Variants in RSBN1L observed in about 807,000 individuals in gnomAD.
RSBN1L encodes the protein round spermatid basic protein 1 like.
A neutral mutation model predicts 67.7 loss-of-function variants in RSBN1L; 30 were observed. The observed-to-expected ratio is 0.44, with a 90% CI of 0.33 to 0.60. RSBN1L has a LOEUF of 0.60. Ranked by LOEUF, RSBN1L falls within the 20% of genes least tolerant of loss-of-function variation. The pLI, the probability that RSBN1L is intolerant of heterozygous loss-of-function variation, is 0.02. For missense variants in RSBN1L, 992 were observed against 1,031.7 expected (o/e 0.96, Z 0.53); for synonymous variants, 433 against 387.0 (o/e 1.12, Z -1.39).
At chr7:77,754,073 T>G (rs1014655016) in intron 3 of RSBN1L, among the ~76,000 whole-genome samples, 5 of 152,220 alleles carry the variant, frequency 3.3e-5, no homozygotes, top group Non-Finnish European at 7.3e-5. Context: ...GGTCTTGTTC[T>G]ATCAGCCAGG....
intron 1 of RSBN1L, among the ~76,000 whole-genome samples, chr7:77,727,601 C>G (rs1389075680): frequency 1.3e-5 from 2 of 151,690 alleles, no homozygotes; most frequent in East Asian, 1.9e-4. Context: ...CCTGTCCCAC[C>G]TTACTCAGCT....
At chr7:77,703,949 C>T (rs927857976) in intron 1 of RSBN1L, among the ~76,000 whole-genome samples, 5 of 152,056 alleles carry the variant, frequency 3.3e-5, no homozygotes, top group East Asian at 1.9e-4. Flanking sequence ...AACCACGCCC[C>T]GATACACTTA....
chr7:77,700,676 A>T (rs561900114), intron 1 of RSBN1L, among the ~76,000 whole-genome samples: 3 of 152,294 alleles, frequency 2.0e-5, no homozygotes, highest in African/African-American at 7.2e-5. Context: ...CTGAGGGAAT[A>T]ATTTACTATG....
At chr7:77,720,315 C>G (rs1044263033) in intron 1 of RSBN1L, among the ~76,000 whole-genome samples, 19 of 152,094 alleles carry the variant, frequency 1.2e-4, no homozygotes, top group Admixed American at 5.2e-4. Flanking sequence ...AATCTTAGCA[C>G]TTTGGGAGGC....
intron 4 of RSBN1L, among the ~76,000 whole-genome samples, chr7:77,765,921 G>A (rs1791760348): frequency 6.6e-6 from 1 of 152,150 alleles, no homozygotes; most frequent in Non-Finnish European, 1.5e-5. Flanking sequence ...AACACTTTAG[G>A]AAATTAGGTT....
Position 77,780,783 on chromosome 7 carries a change from C to T in RSBN1L, c.*1615C>T, listed in dbSNP as rs954853361. On this transcript the variant is annotated 3_prime_UTR_variant, in exon 8 of 8. Transcript: ENST00000334955. The stretch of plus-strand genomic sequence containing the variant: ...CTAGAAATTAAATTGAGGTAGGAGA[C>T]GGATTGACAGTGCCTAACTAAAGAT... 2 of 152,166 alleles carry T rather than the reference C, an allele frequency of 1.3e-5. No homozygotes were observed. The highest frequency in any genetic ancestry group is 6.5e-5 in the Admixed American group (1 of 15,270). The allele number at this position is 152,166 out of a possible 1,614,324, so 9.4% of individuals were successfully genotyped here.
intron 3 of RSBN1L, among the ~76,000 whole-genome samples, chr7:77,758,997 AG>A (rs1439359503): frequency 6.6e-6 from 1 of 152,124 alleles, no homozygotes; most frequent in Non-Finnish European, 1.5e-5. Context: ...TGTGGTTCTA[AG>A]TTATTTCTCA....
intron 2 of RSBN1L, among the ~76,000 whole-genome samples, chr7:77,737,925 GGCATGA>G (rs1355691975): frequency 6.6e-5 from 10 of 151,932 alleles, no homozygotes; most frequent in African/African-American, 1.7e-4. Flanking sequence ...GGGAGGCTGA[GGCATGA>G]GAATTGCCTG....
chr7:77,745,283 A>C (rs1303557652), intron 2 of RSBN1L, among the ~76,000 whole-genome samples: 1 of 151,424 alleles, frequency 6.6e-6, no homozygotes, highest in Non-Finnish European at 1.5e-5. Context: ...AAAAAAGTTG[A>C]CTGAAAGGAA....
At chr7:77,773,440 T>G in intron 6 of RSBN1L, 126 bp downstream of exon 6, 1 of 605,966 alleles carries the variant, frequency 1.7e-6, no homozygotes, top group Non-Finnish European at 2.7e-6. Context: ...TTTGGATATC[T>G]TAATTGTATA....
rs1791986879 is a variant in RSBN1L at position 77,780,605 on chromosome 7, T to TA, written c.*1438dup. ...CAGAATGGGAGAAAAATATGGCAAA[T>TA]ACAAAACTGTAAAATAAGGGCAATG... On this transcript the variant is annotated 3_prime_UTR_variant, in exon 8 of 8. Transcript: ENST00000334955. The TA allele has an allele frequency of 6.6e-6, 1 of 152,150 alleles. No homozygotes were observed. Among genetic ancestry groups the TA allele is most frequent in the Non-Finnish European group, 1.5e-5 (1 of 68,004 alleles). 9.4% of individuals were successfully genotyped at this position (152,150 alleles called of 1,614,324 possible).
rs961543898 is a variant in RSBN1L at position 77,782,604 on chromosome 7, C to T, written c.*3436C>T. On this transcript the variant is annotated 3_prime_UTR_variant, in exon 8 of 8. Coordinates refer to ENST00000334955, the MANE Select transcript of RSBN1L (RefSeq NM_198467.3). Reference sequence around the variant, plus strand: ...TAAACATTAAGTTGATTTTGCACAACACTGTATTTGTGTGTGTGCATGTGC... The same window carrying T: ...TAAACATTAAGTTGATTTTGCACAATACTGTATTTGTGTGTGTGCATGTGC... 2.6e-5 allele frequency: 4 copies of T among 152,138 alleles called. No individual in the cohort carries two copies. Among genetic ancestry groups the T allele is most frequent in the African/African-American group, 9.7e-5 (4 of 41,426 alleles). The allele number at this position is 152,138 out of a possible 1,614,324, so 9.4% of individuals were successfully genotyped here. A position where few individuals can be genotyped will look rare whatever the true frequency, so the allele number is the denominator to read the frequency against.
At position 77,749,707 on chromosome 7, in the gene RSBN1L, G is replaced by A. The variant is rs773978716; in HGVS notation, c.987G>A (p.Lys329=). Residue 329 remains lysine (K), a synonymous_variant, in exon 3 of 8, where the codon AAG becomes AAA. Transcript: ENST00000334955. ...GTGAGTTTCCATTTGTCTCATTAAA[G>A]GAGCCACGAGTTCAGAATAACCTCA... ...ENSEFPFVSL[K]EPRVQNNLKR... is the part of the protein sequence containing the mutation. 1.9e-6 allele frequency: 3 copies of A among 1,614,014 alleles called. No homozygotes were observed. The South Asian group carries it at 3.3e-5, about 18-fold the overall frequency.
Position 77,696,937 on chromosome 7 carries a change from G to C in RSBN1L, c.468G>C (p.Lys156Asn). The C allele has an allele frequency of 6.3e-7, 1 of 1,599,212 alleles. No individual in the cohort carries two copies. Among genetic ancestry groups the C allele is most frequent in the East Asian group, 2.2e-5 (1 of 44,670 alleles). Residue 156 changes from lysine to asparagine, a missense_variant, in exon 1 of 8, where the codon AAG becomes AAC. By Grantham distance (94) the Lys-to-Asn change is moderately conservative (BLOSUM62 0). Around this residue, in one of 7 missense-constraint regions of RSBN1L, gnomAD observed 575 missense variants for 483.2 expected, o/e 1.19. Coordinates refer to ENST00000334955, the MANE Select transcript of RSBN1L (RefSeq NM_198467.3). ...CCGCCGCTGCCTCGGCTAACGCCAA[G>C]TCGCGCAGACCTAAGGAGAAGCGGG... ...AAAAAASANA[K>N]SRRPKEKREK...
intron 1 of RSBN1L, among the ~76,000 whole-genome samples, chr7:77,724,349 A>T (rs1376575748): frequency 6.6e-6 from 1 of 152,032 alleles, no homozygotes; most frequent in East Asian, 1.9e-4. Flanking sequence ...ATAATTATTA[A>T]TTCTTTCGGG....
At chr7:77,720,776 T>C (rs944373503) in intron 1 of RSBN1L, among the ~76,000 whole-genome samples, 6 of 144,214 alleles carry the variant, frequency 4.2e-5, no homozygotes, top group African/African-American at 1.5e-4. Flanking sequence ...TTTTTTTTTT[T>C]TTTTTTTGAG....
intron 3 of RSBN1L, among the ~76,000 whole-genome samples, chr7:77,757,424 G>A (rs1791634222): frequency 6.6e-6 from 1 of 152,212 alleles, no homozygotes; most frequent in African/African-American, 2.4e-5. Context: ...TGGCCCTGAG[G>A]TTAGTGATAT....
chr7:77,753,993 C>T (rs1419817004), intron 3 of RSBN1L, among the ~76,000 whole-genome samples: 1 of 152,078 alleles, frequency 6.6e-6, no homozygotes, highest in Non-Finnish European at 1.5e-5. Context: ...CCCTTTGATT[C>T]CATTGTTTTG....
At position 77,749,929 on chromosome 7, in the gene RSBN1L, T is replaced by C; in HGVS notation, c.1209T>C (p.Ile403=). The C allele has an allele frequency of 6.2e-7, 1 of 1,614,198 alleles. No individual in the cohort carries two copies. Among genetic ancestry groups the C allele is most frequent in the Non-Finnish European group, 8.5e-7 (1 of 1,180,032 alleles). Residue 403 remains isoleucine (I), a synonymous_variant, in exon 3 of 8, where the codon ATT becomes ATC. Coordinates refer to ENST00000334955, the MANE Select transcript of RSBN1L (RefSeq NM_198467.3). ...ENSAAFYVMG[I]VHGAATYLPD... ...CTGCAGCTTTCTACGTGATGGGTATTGTTCATGGGGCAGCTACTTATTTAC... is the reference window on the plus strand; with the variant it reads ...CTGCAGCTTTCTACGTGATGGGTATCGTTCATGGGGCAGCTACTTATTTAC...
Sources: allele counts gnomAD v4.1 joint callset (sites outside exome capture counted in the v4.1 genomes callset), GRCh38; gene constraint gnomAD v4.1.1; regional missense constraint gnomAD v4.1.1; transcripts MANE v1.5; gene names NCBI Gene and HGNC (gene_info 2026-07-23, HGNC 2026-07-21).